The following AZIN2 variants were observed in gnomAD, a reference collection of about 807,000 sequenced individuals.
The protein encoded by AZIN2 is antizyme inhibitor 2, also known as ODC antizyme inhibitor-2.
AZIN2 carries 28 observed loss-of-function variants against 47.8 expected under a neutral mutation model. That is an observed-to-expected ratio of 0.59 (90% CI 0.43 to 0.80). The LOEUF (loss-of-function observed/expected upper bound fraction) is 0.80, where lower values mean the gene tolerates loss of function less well. Among genes scored for constraint, AZIN2 ranks in the 30% least tolerant of loss-of-function variants. AZIN2 has a pLI of 0.00. For synonymous variants in AZIN2, 221 were observed against 239.4 expected (o/e 0.92, Z 0.71); for missense variants, 535 against 582.5 (o/e 0.92, Z 0.84).
chr1:33,145,182 T>C, the AZIN2 span, among the ~76,000 whole-genome samples: 2 of 152,176 alleles, frequency 1.3e-5, no homozygotes, highest in African/African-American at 2.4e-5. Context: ...TGGTAAGTTT[T>C]TGGACAGGTT....
In AZIN2 at chr1:33,084,132, G is replaced by T; in HGVS notation, c.279+5G>T. 6.2e-7 allele frequency: 1 copy of T among 1,608,160 alleles called. No homozygotes were observed. On this transcript the variant is annotated splice_donor_5th_base_variant and intron_variant, in intron 5 of 11. Coordinates refer to ENST00000294517, the MANE Select transcript of AZIN2 (RefSeq NM_052998.4). ...GGCTTTAGCTGTGCCAACAAGGTGA[G>T]CCCTGCCCGCACGGTGCACTGACCC...
chr1:33,141,280 T>A, the AZIN2 span, among the ~76,000 whole-genome samples: 1 of 151,956 alleles, frequency 6.6e-6, no homozygotes, highest in African/African-American at 2.4e-5. Context: ...CCTCCTAAGC[T>A]CTGGCCCTGT....
At chr1:33,101,737 A>G (rs1344447387) in intron 10 of AZIN2, 6 of 661,284 alleles carry the variant, frequency 9.1e-6, no homozygotes, top group Non-Finnish European at 1.1e-5. Flanking sequence ...CTATTCCTCG[A>G]GTGTATTTAT....
Position 33,123,021 on chromosome 1 carries a change from A to T in AZIN2, c.*2839A>T, listed in dbSNP as rs914402953. Reference sequence around the variant, plus strand: ...TGACTCCCACACTTCCCTCTCACGCACTGGGTCCTGGCCACACTGGCCTCC... The same window carrying T: ...TGACTCCCACACTTCCCTCTCACGCTCTGGGTCCTGGCCACACTGGCCTCC... On this transcript the variant is annotated 3_prime_UTR_variant, in exon 12 of 12. Transcript: ENST00000294517. Among the ~76,000 whole-genome samples the T allele has an allele frequency of 4.6e-5, 7 of 151,968 alleles. No individual in the cohort carries two copies. The highest frequency in any genetic ancestry group is 4.6e-4 in the Admixed American group (7 of 15,262).
intron 4 of AZIN2, 43 bp from the exon 5 acceptor site, chr1:33,083,911 G>T: frequency 6.2e-7 from 1 of 1,611,068 alleles, no homozygotes; most frequent in South Asian, 1.1e-5. Flanking sequence ...CACAGGGTGC[G>T]AGCTGGATGG....
the AZIN2 span, among the ~76,000 whole-genome samples, chr1:33,154,323 CT>C: frequency 6.6e-6 from 1 of 152,142 alleles, no homozygotes; most frequent in African/African-American, 2.4e-5. Flanking sequence ...CCTGGGGAGC[CT>C]TCTAGCCTCA....
downstream of AZIN2, among the ~76,000 whole-genome samples, chr1:33,125,457 C>T (rs761558477): frequency 6.6e-6 from 1 of 152,214 alleles, no homozygotes; most frequent in Non-Finnish European, 1.5e-5. Context: ...CTCACATTTA[C>T]TGACTTCTTT....
At chr1:33,102,446 T>C (rs74064973) in intron 10 of AZIN2, among the ~76,000 whole-genome samples, 2,320 of 152,254 alleles carry the variant, frequency 0.015, 52 homozygotes, top group East Asian at 0.092. Context: ...CATGATGCCA[T>C]GGAAGATGCT....
the AZIN2 span, among the ~76,000 whole-genome samples, chr1:33,152,819 C>G: frequency 6.6e-6 from 1 of 152,056 alleles, no homozygotes; most frequent in South Asian, 2.1e-4. Flanking sequence ...TGCCGGGACT[C>G]AAAATGACTG....
rs1348562927 is a variant in AZIN2, at chr1:33,094,682, G to T, written c.722G>T (p.Gly241Val). The T allele has an allele frequency of 1.1e-5, 17 of 1,614,058 alleles. No individual in the cohort carries two copies. The highest frequency in any genetic ancestry group is 2.7e-5 in the African/African-American group (2 of 74,920). ...HVLDLGGGFP[G>V]TEGAKVRFEE... ...CTGGACCTTGGTGGTGGCTTCCCTG[G>T]CACAGAAGGGGCCAAAGTGAGATTT... Residue 241 changes from glycine to valine, a missense_variant, in exon 8 of 12, where the codon GGC becomes GTC. By Grantham distance (109) the Gly-to-Val change is moderately radical. Coordinates refer to ENST00000294517, the MANE Select transcript of AZIN2 (RefSeq NM_052998.4).
intron 5 of AZIN2, among the ~76,000 whole-genome samples, chr1:33,087,909 G>A (rs1313048035): frequency 1.3e-5 from 2 of 152,102 alleles, no homozygotes; most frequent in Admixed American, 1.3e-4. Flanking sequence ...GCTGTGAGAC[G>A]AGATTTGCAT....
chr1:33,081,646 A>G lies in AZIN2; in HGVS notation c.-239A>G, dbSNP rs1413999890. Reference sequence around the variant, plus strand: ...CCGCGTGGCGTCCCCAGGCACGCCTAGAATTCTAGCACCTCAGGATCAGTC... The same window carrying G: ...CCGCGTGGCGTCCCCAGGCACGCCTGGAATTCTAGCACCTCAGGATCAGTC... On this transcript the variant is annotated 5_prime_UTR_variant, in exon 3 of 12. Coordinates refer to ENST00000294517, the MANE Select transcript of AZIN2 (RefSeq NM_052998.4). This position sits in a 1 kb window ranked among gnomAD's most constrained non-coding sequence, Gnocchi z 4.2. The G allele has an allele frequency of 6.3e-6, 1 of 158,394 alleles. No individual in the cohort carries two copies. Among genetic ancestry groups the G allele is most frequent in the East Asian group, 1.9e-4 (1 of 5,238 alleles). 9.8% of individuals were successfully genotyped at this position (158,394 alleles called of 1,614,324 possible).
At chr1:33,158,837 C>CT in the AZIN2 span, among the ~76,000 whole-genome samples, 24 of 150,546 alleles carry the variant, frequency 1.6e-4, no homozygotes, top group Middle Eastern at 3.4e-3. Context: ...CAGTTTTTTT[C>CT]TTTTTTTTCT....
the AZIN2 span, among the ~76,000 whole-genome samples, chr1:33,157,033 C>T: frequency 6.7e-6 from 1 of 149,422 alleles, no homozygotes; most frequent in South Asian, 2.1e-4. Context: ...ATCCTTCACC[C>T]CCTTCGGTCT....
At position 33,098,272 on chromosome 1, in the gene AZIN2, A is replaced by G. The variant is rs1643370403; in HGVS notation, c.1029+93A>G. ...TTATCTAATTTTTAAAAAGTCAAAC[A>G]TATTTATTGTCGATAATAGACAACA... is the stretch of plus-strand genomic sequence containing the variant. On this transcript the variant is annotated intron_variant, in intron 10 of 11. Coordinates refer to ENST00000294517, the MANE Select transcript of AZIN2 (RefSeq NM_052998.4). The G allele has an allele frequency of 4.2e-6, 4 of 945,440 alleles. No homozygotes were observed. In the South Asian group the frequency reaches 7.0e-5, roughly 16 times the overall value. The allele number at this position is 945,440 out of a possible 1,614,324, so 58.6% of individuals were successfully genotyped here.
At position 33,113,199 on chromosome 1, in the gene AZIN2, A is replaced by G. The variant is rs1644364975; in HGVS notation, c.1030-4703A>G. Among the ~76,000 whole-genome samples, 1 of 152,190 alleles carries G rather than the reference A, an allele frequency of 6.6e-6. No individual in the cohort carries two copies. The highest frequency in any genetic ancestry group is 6.5e-5 in the Admixed American group (1 of 15,274). ...TAACCAGGATGGTCTCGACCTCCTG[A>G]CCTCATGATCTGCCTACCTCTGCCT... On this transcript the variant is annotated intron_variant, in intron 10 of 11. Transcript: ENST00000294517. The surrounding 1 kb of genome is among the most constrained non-coding windows in gnomAD (Gnocchi z 4.1).
At chr1:33,096,487 G>A (rs1643164263) in intron 8 of AZIN2, among the ~76,000 whole-genome samples, 1 of 152,174 alleles carries the variant, frequency 6.6e-6, no homozygotes. Flanking sequence ...CCATGGAGGA[G>A]GGTGATTTAC....
chr1:33,165,496 A>C, the AZIN2 span: 1 of 1,608,308 alleles, frequency 6.2e-7, no homozygotes, highest in African/African-American at 1.3e-5. The surrounding 1 kb of genome is among the most constrained non-coding windows in gnomAD (Gnocchi z 4.0). Flanking sequence ...TTGTCGCTTG[A>C]GCAGCTGCAG....
At chr1:33,119,963 G>A in intron 11 of AZIN2, 81 bp from the exon 12 acceptor site, 7 of 1,587,068 alleles carry the variant, frequency 4.4e-6, no homozygotes, top group Non-Finnish European at 6.0e-6. Context: ...AGAGCCCTCT[G>A]CCCAATGGGG....
Sources: allele counts gnomAD v4.1 joint callset (sites outside exome capture counted in the v4.1 genomes callset), GRCh38; gene constraint gnomAD v4.1.1; non-coding constraint Gnocchi (gnomAD v3.1); transcripts MANE v1.5; gene names NCBI Gene and HGNC (gene_info 2026-07-23, HGNC 2026-07-21).